The following METTL8 variants were observed in gnomAD, a reference collection of about 807,000 sequenced individuals.
METTL8 encodes tRNA N(3)-cytidine methyltransferase METTL8, mitochondrial.
Under a neutral mutation model 48.7 loss-of-function variants are expected in METTL8, and 32 were observed. The observed-to-expected ratio is 0.66, with a 90% confidence interval of 0.50 to 0.88. METTL8 has a LOEUF of 0.88. Among genes scored for constraint, METTL8 ranks in the 40% least tolerant of loss-of-function variants. The pLI is 0.00. For missense variants in METTL8, 464 were observed against 474.4 expected (o/e 0.98, Z 0.20); for synonymous variants, 136 against 157.1 (o/e 0.87, Z 1.01).
intron 1 of METTL8, among the ~76,000 whole-genome samples, chr2:171,392,439 A>G (rs1688662734): frequency 1.3e-5 from 2 of 152,216 alleles, no homozygotes; most frequent in African/African-American, 2.4e-5. Flanking sequence ...GCCTTGACCA[A>G]CTTTGCTTTG....
intron 3 of METTL8, among the ~76,000 whole-genome samples, chr2:171,344,965 G>A (rs1014778176): frequency 3.3e-5 from 5 of 152,206 alleles, no homozygotes; most frequent in Admixed American, 1.3e-4. Context: ...GGTAAGGCAG[G>A]TCAGGAATGA....
rs1684324386 is a variant in METTL8 at position 171,317,644 on chromosome 2, C to T, written c.*6528G>A. 1 of 152,246 alleles carries T rather than the reference C, an allele frequency of 6.6e-6. No individual in the cohort carries two copies. The highest frequency in any genetic ancestry group is 2.4e-5 in the African/African-American group (1 of 41,452). 9.4% of individuals were successfully genotyped at this position (152,246 alleles called of 1,614,324 possible). A position where few individuals can be genotyped will look rare whatever the true frequency, so the allele number is the denominator to read the frequency against. On this transcript the variant is annotated 3_prime_UTR_variant, in exon 10 of 10. Coordinates refer to ENST00000375258, the MANE Select transcript of METTL8 (RefSeq NM_001321154.2). ...CGTGTATTTATTCATTCAGCTAACT[C>T]TAGCTGTTCCTTACTTAAGGTTAAG...
rs527386812 is a variant in METTL8, at chr2:171,319,268, C to A, written c.*4904G>T. 5 of 152,310 alleles carry A rather than the reference C, an allele frequency of 3.3e-5. No homozygotes were observed. In the South Asian group the frequency reaches 1.0e-3, roughly 32 times the overall value. 9.4% of individuals were successfully genotyped at this position (152,310 alleles called of 1,614,324 possible). ...CTTTCACAAGCGGGGAAAATACCCA[C>A]GCCAACACTAAGTCTCCTGATGACT... On this transcript the variant is annotated 3_prime_UTR_variant, in exon 10 of 10. Transcript: ENST00000375258.
intron 5 of METTL8, among the ~76,000 whole-genome samples, chr2:171,336,309 C>A (rs539142319): frequency 8.9e-5 from 13 of 146,328 alleles, no homozygotes; most frequent in African/African-American, 2.3e-4. Flanking sequence ...GTTGGCCAGG[C>A]TGGTCTCGAA....
At position 171,320,308 on chromosome 2, in the gene METTL8, G is replaced by A. The variant is rs959601642; in HGVS notation, c.*3864C>T. On this transcript the variant is annotated 3_prime_UTR_variant, in exon 10 of 10. Transcript: ENST00000375258. ...AGGCTATGCTGGACAGAGCCCAAAA[G>A]AGACCAGTTTGTGTCTCACAGTCCA... 13 of 152,138 alleles carry A rather than the reference G, an allele frequency of 8.5e-5. No individual in the cohort carries two copies. Among genetic ancestry groups the A allele is most frequent in the African/African-American group, 3.1e-4 (13 of 41,412 alleles). 9.4% of individuals were successfully genotyped at this position (152,138 alleles called of 1,614,324 possible).
At chr2:171,367,455 A>G (rs1685842798) in intron 2 of METTL8, among the ~76,000 whole-genome samples, 2 of 152,158 alleles carry the variant, frequency 1.3e-5, no homozygotes, top group African/African-American at 4.8e-5. Context: ...AATTTGTAAA[A>G]TAAAGACATT....
At chr2:171,394,667 T>C (rs58728495) in intron 1 of METTL8, among the ~76,000 whole-genome samples, 6,933 of 152,324 alleles carry the variant, frequency 0.046, 517 homozygotes, top group African/African-American at 0.15. Flanking sequence ...CAGCCTTGCA[T>C]TGCTATTTAT....
chr2:171,428,494 A>T (rs1476717185), intron 1 of METTL8, among the ~76,000 whole-genome samples: 2 of 141,626 alleles, frequency 1.4e-5, no homozygotes, highest in Non-Finnish European at 3.1e-5. Flanking sequence ...AAATAAAGTT[A>T]AAAAAAAAAA....
chr2:171,355,020 G>A (rs923296127), intron 3 of METTL8, among the ~76,000 whole-genome samples: 13 of 152,168 alleles, frequency 8.5e-5, no homozygotes, highest in Non-Finnish European at 1.3e-4. Flanking sequence ...GAGGAACCGC[G>A]TTCCTTTGGA....
chr2:171,367,107 G>C (rs1685809823), intron 2 of METTL8, among the ~76,000 whole-genome samples: 1 of 151,786 alleles, frequency 6.6e-6, no homozygotes, highest in African/African-American at 2.4e-5. Context: ...GAGACAAAAT[G>C]AGTTAAAAAT....
chr2:171,344,844 C>T (rs1430648719), intron 3 of METTL8, among the ~76,000 whole-genome samples: 2 of 152,192 alleles, frequency 1.3e-5, no homozygotes, highest in African/African-American at 4.8e-5. Flanking sequence ...AGACAACAAA[C>T]ACCTTCAGTG....
intron 2 of METTL8, among the ~76,000 whole-genome samples, chr2:171,386,189 G>A (rs1688032330): frequency 6.6e-6 from 1 of 152,128 alleles, no homozygotes; most frequent in Non-Finnish European, 1.5e-5. Context: ...AGAGAATATA[G>A]ATAGCTAAAT....
chr2:171,329,791 G>A (rs1338046483), intron 7 of METTL8, among the ~76,000 whole-genome samples: 1 of 152,216 alleles, frequency 6.6e-6, no homozygotes, highest in African/African-American at 2.4e-5. Context: ...AAAAGTGGTT[G>A]ACGCCAAGTC....
At chr2:171,409,052 G>C (rs1690475531) in intron 1 of METTL8, among the ~76,000 whole-genome samples, 1 of 152,138 alleles carries the variant, frequency 6.6e-6, no homozygotes, top group Non-Finnish European at 1.5e-5. Flanking sequence ...TTTTCAAGAA[G>C]ACAAAAGACT....
intron 1 of METTL8, among the ~76,000 whole-genome samples, chr2:171,397,377 A>AAAC (rs2105581101): frequency 6.9e-6 from 1 of 144,170 alleles, no homozygotes. Flanking sequence ...AAAAAAAAAA[A>AAAC]AACAACATCA....
At chr2:171,381,705 T>C (rs746608048) in intron 2 of METTL8, among the ~76,000 whole-genome samples, 1 of 151,538 alleles carries the variant, frequency 6.6e-6, no homozygotes, top group Non-Finnish European at 1.5e-5. Flanking sequence ...TGAGATATCA[T>C]CTCACGAGAG....
chr2:171,428,645 C>A (rs543731600), intron 1 of METTL8, among the ~76,000 whole-genome samples: 1 of 152,192 alleles, frequency 6.6e-6, no homozygotes, highest in African/African-American at 2.4e-5. Flanking sequence ...AGTTTCTGCC[C>A]AGGTTAGTTG....
intron 3 of METTL8, among the ~76,000 whole-genome samples, chr2:171,340,439 T>C (rs1686615777): frequency 6.8e-6 from 1 of 147,056 alleles, no homozygotes; most frequent in Non-Finnish European, 1.5e-5. Context: ...GAGGAGAAAT[T>C]TGCAGTGAGC....
chr2:171,367,657 T>TA (rs1304996337), intron 2 of METTL8, among the ~76,000 whole-genome samples: 1 of 152,192 alleles, frequency 6.6e-6, no homozygotes, highest in African/African-American at 2.4e-5. Flanking sequence ...AAATTTATTT[T>TA]AAAAAACTCA....
Sources: gnomAD v4.1 joint callset for allele counts (sites outside exome capture counted in the v4.1 genomes callset) on GRCh38, gnomAD v4.1.1 for gene constraint, MANE v1.5 for transcripts, NCBI Gene and HGNC (gene_info 2026-07-23, HGNC 2026-07-21) for gene names.